HAPSTR1: variants seen among roughly 807,000 people sequenced by gnomAD.
HAPSTR1 encodes HUWE1-associated protein modifying stress responses 1.
chr16:9,102,966 T>C, the HAPSTR1 span: 2 of 1,609,128 alleles, frequency 1.2e-6, no homozygotes, highest in Non-Finnish European at 1.7e-6. Flanking sequence ...ATGTTTTCTT[T>C]TTCTTTTTTT....
chr16:9,115,782 T>A, the HAPSTR1 span, among the ~76,000 whole-genome samples: 50 of 152,140 alleles, frequency 3.3e-4, no homozygotes, highest in African/African-American at 1.2e-3. Flanking sequence ...CCGGGCTAAT[T>A]TTTGTATTTT....
At chr16:9,112,688 T>C in the HAPSTR1 span, 2 of 152,360 alleles carry the variant, frequency 1.3e-5, no homozygotes, top group East Asian at 3.9e-4. Context: ...ATGAACTTGG[T>C]ATGAAAATAA....
the HAPSTR1 span, among the ~76,000 whole-genome samples, chr16:9,092,541 G>C: frequency 6.6e-6 from 1 of 152,166 alleles, no homozygotes; most frequent in Non-Finnish European, 1.5e-5. Flanking sequence ...CGGCCACCCG[G>C]TGTCCCCCTC....
At chr16:9,114,656 A>G in the HAPSTR1 span, among the ~76,000 whole-genome samples, 56 of 152,340 alleles carry the variant, frequency 3.7e-4, no homozygotes, top group African/African-American at 1.3e-3. Flanking sequence ...ATGAGGCCTA[A>G]GAGGCAGGCT....
At chr16:9,118,233 C>T in the HAPSTR1 span, 1 of 152,530 alleles carries the variant, frequency 6.6e-6, no homozygotes, top group African/African-American at 2.4e-5. Context: ...TATTATATAT[C>T]AAGTAGGACA....
the HAPSTR1 span, chr16:9,108,798 C>T: frequency 6.6e-6 from 1 of 152,162 alleles, no homozygotes; most frequent in Admixed American, 6.5e-5. Context: ...TGCTTGACTT[C>T]TCCAAGCCAG....
At chr16:9,114,008 C>G in the HAPSTR1 span, among the ~76,000 whole-genome samples, 1 of 152,074 alleles carries the variant, frequency 6.6e-6, no homozygotes, top group Admixed American at 6.6e-5. Context: ...TTCGTAAGTG[C>G]CAGGCACTGT....
the HAPSTR1 span, chr16:9,110,314 T>C: frequency 6.6e-6 from 1 of 152,022 alleles, no homozygotes; most frequent in Non-Finnish European, 1.5e-5. Flanking sequence ...GATTTAGGGG[T>C]ATAAGGTTGG....
At chr16:9,114,124 G>GT in the HAPSTR1 span, among the ~76,000 whole-genome samples, 1 of 152,072 alleles carries the variant, frequency 6.6e-6, no homozygotes, top group Admixed American at 6.5e-5. Context: ...GGTTTATTTT[G>GT]TTTTTTAAAA....
the HAPSTR1 span, chr16:9,103,278 ATTTCTTTGG>A: frequency 6.2e-7 from 1 of 1,601,046 alleles, no homozygotes; most frequent in Non-Finnish European, 8.5e-7. Context: ...GTTTAAACAT[ATTTCTTTGG>A]AAAAATGGTT....
the HAPSTR1 span, chr16:9,107,437 C>G: frequency 6.6e-6 from 1 of 152,322 alleles, no homozygotes; most frequent in Admixed American, 6.5e-5. Flanking sequence ...AGGGCAGGCC[C>G]TCTGGAGGAG....
At chr16:9,098,941 T>C in the HAPSTR1 span, among the ~76,000 whole-genome samples, 10 of 152,172 alleles carry the variant, frequency 6.6e-5, no homozygotes, top group Non-Finnish European at 1.3e-4. Flanking sequence ...CTAATTCACA[T>C]GAATCAATGT....
chr16:9,094,413 A>G, the HAPSTR1 span, among the ~76,000 whole-genome samples: 7 of 152,170 alleles, frequency 4.6e-5, no homozygotes, highest in African/African-American at 1.7e-4. Context: ...TTGAAATAAT[A>G]CTTAATTAAA....
chr16:9,095,715 T>C, the HAPSTR1 span, among the ~76,000 whole-genome samples: 13 of 151,988 alleles, frequency 8.6e-5, no homozygotes, highest in African/African-American at 2.9e-4. Context: ...TTGAGTTAAT[T>C]GGTTTGGTTG....
At chr16:9,101,989 C>T in the HAPSTR1 span, among the ~76,000 whole-genome samples, 84 of 152,224 alleles carry the variant, frequency 5.5e-4, 1 homozygote, top group African/African-American at 1.8e-3. Context: ...GGCATGGTGG[C>T]GTGCGCCTGT....
chr16:9,114,933 A>G, the HAPSTR1 span, among the ~76,000 whole-genome samples: 1 of 152,222 alleles, frequency 6.6e-6, no homozygotes, highest in African/African-American at 2.4e-5. Context: ...AATAGGTGCT[A>G]GCCTTGGAAA....
the HAPSTR1 span, chr16:9,117,292 G>C: frequency 1.5e-5 from 3 of 204,324 alleles, no homozygotes; most frequent in East Asian, 4.0e-4. Flanking sequence ...TTCCTGCTGT[G>C]TTGAGTATTT....
At chr16:9,100,316 A>G in the HAPSTR1 span, among the ~76,000 whole-genome samples, 1 of 152,196 alleles carries the variant, frequency 6.6e-6, no homozygotes, top group Non-Finnish European at 1.5e-5. Flanking sequence ...CCCGATGTTC[A>G]AATCTGTGAT....
chr16:9,102,928 G>A, the HAPSTR1 span: 115 of 1,551,826 alleles, frequency 7.4e-5, 2 homozygotes, highest in Middle Eastern at 1.2e-3. Context: ...TCTTTAGAAG[G>A]GAATACGGGC....
Sources: allele counts gnomAD v4.1 joint callset (sites outside exome capture counted in the v4.1 genomes callset), GRCh38; gene constraint gnomAD v4.1.1; transcripts MANE v1.5; gene names NCBI Gene and HGNC (gene_info 2026-07-23, HGNC 2026-07-21).